ZFPM2: variants seen among roughly 807,000 people sequenced by gnomAD.
The protein encoded by ZFPM2 is zinc finger protein ZFPM2.
A neutral mutation model predicts 98.6 loss-of-function variants in ZFPM2; 20 were observed. The ratio of observed to expected loss-of-function variants is 0.20; its 90% CI spans 0.14 to 0.29. The LOEUF (loss-of-function observed/expected upper bound fraction) is 0.29, where lower values mean the gene tolerates loss of function less well. ZFPM2 is among the 10% of genes least tolerant of loss of function. The probability of loss-of-function intolerance (pLI) is 1.00; values close to 1 mark genes in which losing one functional copy is unlikely to be tolerated. For missense variants in ZFPM2, 1,310 were observed against 1,388.6 expected (o/e 0.94, Z 0.90); for synonymous variants, 518 against 502.7 (o/e 1.03, Z -0.41).
At chr8:105,587,212 G>A (rs1815740306) in intron 4 of ZFPM2, among the ~76,000 whole-genome samples, 1 of 149,584 alleles carries the variant, frequency 6.7e-6, no homozygotes, top group African/African-American at 2.5e-5. Flanking sequence ...GGGAGGCGGA[G>A]CTTGCAGTGA....
intron 1 of ZFPM2, among the ~76,000 whole-genome samples, chr8:105,330,619 T>C (rs1200650562): frequency 1.3e-3 from 114 of 88,462 alleles, no homozygotes; most frequent in African/African-American, 4.4e-3. Flanking sequence ...TACACATATA[T>C]ATATATATAT....
At chr8:105,372,189 C>T (rs1231411770) in intron 1 of ZFPM2, among the ~76,000 whole-genome samples, 1 of 151,970 alleles carries the variant, frequency 6.6e-6, no homozygotes, top group Non-Finnish European at 1.5e-5. Flanking sequence ...ACTACAGGCA[C>T]CTGCCAACAG....
chr8:105,335,480 C>G (rs1812310300), intron 1 of ZFPM2, among the ~76,000 whole-genome samples: 1 of 151,718 alleles, frequency 6.6e-6, no homozygotes, highest in South Asian at 2.1e-4. Flanking sequence ...AAATGGAGAA[C>G]TAATTTTTTG....
chr8:105,508,082 A>G (rs889194530), intron 3 of ZFPM2, among the ~76,000 whole-genome samples: 4 of 152,202 alleles, frequency 2.6e-5, no homozygotes, highest in Non-Finnish European at 4.4e-5. Flanking sequence ...AGATGCTTCC[A>G]AGAAAATCTT....
intron 4 of ZFPM2, among the ~76,000 whole-genome samples, chr8:105,615,028 G>A (rs888266529): frequency 6.6e-6 from 1 of 152,070 alleles, no homozygotes; most frequent in Non-Finnish European, 1.5e-5. Context: ...AGAATAGTGT[G>A]ATTTGGCCCA....
intron 5 of ZFPM2, among the ~76,000 whole-genome samples, chr8:105,738,709 A>G (rs1812146304): frequency 6.6e-6 from 1 of 152,018 alleles, no homozygotes; most frequent in Admixed American, 6.6e-5. Context: ...CATAATAGCC[A>G]TCCTGACTGG....
intron 3 of ZFPM2, among the ~76,000 whole-genome samples, chr8:105,482,350 CT>C (rs2130389470): frequency 6.6e-6 from 1 of 152,090 alleles, no homozygotes; most frequent in East Asian, 1.9e-4. Context: ...TTTAGATGTA[CT>C]TCATGAATGT....
intron 5 of ZFPM2, among the ~76,000 whole-genome samples, chr8:105,723,314 C>T (rs536846127): frequency 3.3e-5 from 5 of 151,954 alleles, no homozygotes; most frequent in African/African-American, 7.2e-5. Flanking sequence ...ATAACAATGA[C>T]GGCATATTCA....
At chr8:105,535,409 A>G (rs1814428254) in intron 3 of ZFPM2, among the ~76,000 whole-genome samples, 1 of 152,162 alleles carries the variant, frequency 6.6e-6, no homozygotes, top group African/African-American at 2.4e-5. Context: ...CCCAAATATC[A>G]GCAGAGAAAA....
chr8:105,525,131 C>CCTCACTCAAACTGAAACGTACACACAGA (rs1309246104), intron 3 of ZFPM2, among the ~76,000 whole-genome samples: 22 of 152,166 alleles, frequency 1.4e-4, no homozygotes, highest in Non-Finnish European at 2.9e-4. Flanking sequence ...CTTTTAAGCA[C>CCTCACTCAAACTGAAACGTACACACAGA]CTCACTCAAA....
chr8:105,456,715 C>A (rs1812599420), intron 3 of ZFPM2, among the ~76,000 whole-genome samples: 1 of 152,110 alleles, frequency 6.6e-6, no homozygotes, highest in African/African-American at 2.4e-5. Context: ...CTCTGTTGCC[C>A]AGGCTGGAGT....
rs1814000719 is a variant in ZFPM2, at chr8:105,801,302, G to C, written c.1220G>C (p.Ser407Thr). The C allele has an allele frequency of 6.2e-7, 1 of 1,613,804 alleles. No homozygotes were observed. The highest frequency in any genetic ancestry group is 1.7e-5 in the Admixed American group (1 of 59,992). Residue 407 changes from serine (S) to threonine (T), a missense_variant, in exon 8 of 8, where the codon AGC becomes ACC. Physicochemically the swap from Ser to Thr is moderately conservative, Grantham distance 58. Coordinates refer to ENST00000407775, the MANE Select transcript of ZFPM2 (RefSeq NM_012082.4). ...MEHSPSATED[S>T]LQPATDLLTR... ...CACTCTCCAAGTGCAACTGAAGACA[G>C]CTTACAGCCAGCCACAGACTTATTG...
At chr8:105,321,097 A>G (rs1183829957) in intron 1 of ZFPM2, among the ~76,000 whole-genome samples, 1 of 152,126 alleles carries the variant, frequency 6.6e-6, no homozygotes, top group Non-Finnish European at 1.5e-5. Context: ...GAATTTCTAT[A>G]CTGGAGTAGT....
chr8:105,483,169 T>TTTCTTA (rs150957281), intron 3 of ZFPM2, among the ~76,000 whole-genome samples: 2,952 of 152,106 alleles, frequency 0.019, 96 homozygotes, highest in African/African-American at 0.067. Context: ...CCTCCTGTAA[T>TTTCTTA]TTCTTGAAAT....
chr8:105,798,625 G>A, intron 6 of ZFPM2, 99 bp from the exon 7 acceptor site: 2 of 980,226 alleles, frequency 2.0e-6, no homozygotes, highest in Non-Finnish European at 3.1e-6. Context: ...TTAAGAACCT[G>A]AGAGCGGAGT....
chr8:105,700,562 T>G (rs1427509687), intron 5 of ZFPM2, among the ~76,000 whole-genome samples: 1 of 151,412 alleles, frequency 6.6e-6, no homozygotes, highest in Non-Finnish European at 1.5e-5. Context: ...CCTAGGAGTT[T>G]TTTGTTTGTT....
At chr8:105,662,941 C>T (rs899596064) in intron 5 of ZFPM2, 8 of 152,060 alleles carry the variant, frequency 5.3e-5, no homozygotes, top group Non-Finnish European at 8.8e-5. Context: ...CGGCACTCCA[C>T]CTGCAATGAG....
intron 4 of ZFPM2, among the ~76,000 whole-genome samples, chr8:105,616,156 A>C (rs1816409676): frequency 6.6e-6 from 1 of 152,134 alleles, no homozygotes; most frequent in South Asian, 2.1e-4. Flanking sequence ...CTCAATGACC[A>C]AAGCCTTTTC....
In ZFPM2 at chr8:105,561,355, G is replaced by C; in HGVS notation, c.302-8G>C. ...GTATTCTAAACACTTCTGTTCCTTT[G>C]TCTGCAGGAGAGCTGGAGGTGTTTC... On this transcript the variant is annotated splice_region_variant and splice_polypyrimidine_tract_variant and intron_variant, in intron 3 of 7. Transcript: ENST00000407775. The C allele has an allele frequency of 6.2e-7, 1 of 1,610,606 alleles. No individual in the cohort carries two copies. The highest frequency in any genetic ancestry group is 8.5e-7 in the Non-Finnish European group (1 of 1,177,292).
Sources: gnomAD v4.1 joint callset for allele counts (sites outside exome capture counted in the v4.1 genomes callset) on GRCh38, gnomAD v4.1.1 for gene constraint, MANE v1.5 for transcripts, NCBI Gene and HGNC (gene_info 2026-07-23, HGNC 2026-07-21) for gene names.